Variants in ZFYVE9 observed in about 807,000 individuals in gnomAD.
The protein encoded by ZFYVE9 is zinc finger FYVE-type containing 9.
Under a neutral mutation model 126.7 loss-of-function variants are expected in ZFYVE9, and 43 were observed. The observed-to-expected ratio is 0.34, with a 90% CI of 0.27 to 0.44. The LOEUF (loss-of-function observed/expected upper bound fraction) is 0.44, where lower values mean the gene tolerates loss of function less well. ZFYVE9 is among the 20% of genes least tolerant of loss of function. The probability of loss-of-function intolerance (pLI) is 1.00; values close to 1 mark genes in which losing one functional copy is unlikely to be tolerated. For missense variants in ZFYVE9, 1,476 were observed against 1,697.0 expected (o/e 0.87, Z 2.29); for synonymous variants, 521 against 597.4 (o/e 0.87, Z 1.87).
chr1:52,252,793 A>C (rs1194200678), intron 4 of ZFYVE9: 2 of 397,262 alleles, frequency 5.0e-6, no homozygotes, highest in Non-Finnish European at 1.0e-5. Context: ...CCCCTACTGC[A>C]CCAGGAGCAT....
chr1:52,262,665 A>G (rs1393580800), intron 4 of ZFYVE9, among the ~76,000 whole-genome samples: 2 of 152,220 alleles, frequency 1.3e-5, no homozygotes, highest in East Asian at 1.9e-4. Context: ...TCAACTTTGT[A>G]AAGTATAGGA....
chr1:52,272,887 C>T (rs1046731867), intron 7 of ZFYVE9, among the ~76,000 whole-genome samples: 2 of 151,946 alleles, frequency 1.3e-5, no homozygotes, highest in African/African-American at 4.8e-5. Flanking sequence ...ATGTTGAACT[C>T]CTGTCCTTAA....
chr1:52,253,908 C>A, intron 4 of ZFYVE9: 1 of 1,051,672 alleles, frequency 9.5e-7, no homozygotes, highest in Non-Finnish European at 1.5e-6. Flanking sequence ...AGATTTCAGC[C>A]AAAGTAGGAA....
intron 14 of ZFYVE9, 152 bp from the exon 15 acceptor site, chr1:52,334,536 G>T: frequency 1.5e-6 from 1 of 676,564 alleles, no homozygotes; most frequent in Non-Finnish European, 2.5e-6. Flanking sequence ...CAGAATTGTT[G>T]GTTACATGTT....
rs368049077 is a variant in ZFYVE9 at position 52,237,995 on chromosome 1, A to G, written c.578A>G (p.Asp193Gly). 6.2e-5 allele frequency: 100 copies of G among 1,613,920 alleles called. No individual in the cohort carries two copies. Among genetic ancestry groups the G allele is most frequent in the Non-Finnish European group, 8.2e-5 (97 of 1,179,968 alleles). ...CSLDNENRQTDQFSFSINEST... is the reference protein window; with the variant it reads ...CSLDNENRQTGQFSFSINEST... ...CTGGATAATGAAAACAGACAAACTG[A>G]TCAATTTAGTTTTAGTATAAATGAG... is the stretch of plus-strand genomic sequence containing the variant. The change falls in exon 4 of 19, where the codon GAT becomes GGT. Residue 193 changes from aspartate to glycine, a missense_variant. By Grantham distance (94) the Asp-to-Gly change is moderately conservative. Transcript: ENST00000287727.
Position 52,233,276 on chromosome 1 carries a change from G to C in ZFYVE9, c.70G>C (p.Asp24His). 1 of 1,576,384 alleles carries C rather than the reference G, an allele frequency of 6.3e-7. No individual in the cohort carries two copies. The highest frequency in any genetic ancestry group is 8.6e-7 in the Non-Finnish European group (1 of 1,157,996). ...GTTAGATGAATTTGAACAAAACGAAGGTGAGAATTTATATTGGTGAATCTG... is the reference window on the plus strand; with the variant it reads ...GTTAGATGAATTTGAACAAAACGAACGTGAGAATTTATATTGGTGAATCTG... The part of the protein sequence containing the change: ...KVLDEFEQNE[D>H]ETVSSTLLDT... The change falls in exon 3 of 19, where the codon GAT becomes CAT. Residue 24 changes from aspartate to histidine, a missense_variant and splice_region_variant. By Grantham distance (81) the Asp-to-His change is moderately conservative. Around this residue, in one of 2 missense-constraint regions of ZFYVE9, gnomAD observed 807 missense variants for 794.6 expected, o/e 1.02. Coordinates refer to ENST00000287727, the MANE Select transcript of ZFYVE9 (RefSeq NM_004799.4).
chr1:52,220,887 C>G (rs1320689965), intron 2 of ZFYVE9, among the ~76,000 whole-genome samples: 1 of 152,196 alleles, frequency 6.6e-6, no homozygotes, highest in African/African-American at 2.4e-5. Flanking sequence ...GCTGTTTGAT[C>G]TGCAAGGTTA....
At chr1:52,188,636 A>T (rs1253412634) in intron 1 of ZFYVE9, among the ~76,000 whole-genome samples, 1 of 152,202 alleles carries the variant, frequency 6.6e-6, no homozygotes, top group African/African-American at 2.4e-5. Flanking sequence ...ATTTATAGGT[A>T]TGAGAGGACT....
intron 7 of ZFYVE9, among the ~76,000 whole-genome samples, chr1:52,271,743 A>G (rs1439769708): frequency 2.6e-5 from 4 of 152,368 alleles, no homozygotes; most frequent in African/African-American, 9.6e-5. Context: ...GCCATACCGG[A>G]AAATTTTAGA....
chr1:52,242,348 A>G (rs1557476758), intron 4 of ZFYVE9, among the ~76,000 whole-genome samples: 2 of 152,090 alleles, frequency 1.3e-5, no homozygotes, highest in East Asian at 1.9e-4. Context: ...CTGACTTTCT[A>G]ATTATGATTT....
At chr1:52,306,685 TC>T (rs1481846200) in intron 13 of ZFYVE9, among the ~76,000 whole-genome samples, 1 of 152,230 alleles carries the variant, frequency 6.6e-6, no homozygotes, top group African/African-American at 2.4e-5. Context: ...GGGCTGTGAC[TC>T]CCTCTTTGGG....
chr1:52,216,365 T>G lies in ZFYVE9; in HGVS notation c.-142-4T>G, dbSNP rs1645072439. 1 of 398,330 alleles carries G rather than the reference T, an allele frequency of 2.5e-6. No individual in the cohort carries two copies. The highest frequency in any genetic ancestry group is 4.4e-6 in the Non-Finnish European group (1 of 225,942). 24.7% of individuals were successfully genotyped at this position (398,330 alleles called of 1,614,324 possible). On this transcript the variant is annotated splice_region_variant and splice_polypyrimidine_tract_variant and intron_variant, in intron 1 of 18. Transcript: ENST00000287727. ...GTGTAATGAGCAATGTGTTTTTCCT[T>G]TAGGATCAAACAGAGCATACTGAAT...
At chr1:52,147,427 G>C (rs766225839) in intron 1 of ZFYVE9, among the ~76,000 whole-genome samples, 1 of 152,026 alleles carries the variant, frequency 6.6e-6, no homozygotes, top group Non-Finnish European at 1.5e-5. Context: ...CCAGCCCTAG[G>C]CAACCGCTAA....
intron 13 of ZFYVE9, among the ~76,000 whole-genome samples, chr1:52,321,221 G>T (rs1037292478): frequency 6.6e-6 from 1 of 152,204 alleles, no homozygotes; most frequent in African/African-American, 2.4e-5. Context: ...CTTCAGAGAA[G>T]TGTGAAATTA....
At chr1:52,281,438 C>A (rs375070717) in intron 9 of ZFYVE9, among the ~76,000 whole-genome samples, 1 of 152,126 alleles carries the variant, frequency 6.6e-6, no homozygotes, top group Non-Finnish European at 1.5e-5. Flanking sequence ...CGTCCTCAAT[C>A]ATTTTTCCAA....
intron 1 of ZFYVE9, among the ~76,000 whole-genome samples, chr1:52,177,589 T>A (rs1051436683): frequency 6.6e-5 from 10 of 152,206 alleles, no homozygotes; most frequent in African/African-American, 2.4e-4. Context: ...AAGGACTAGT[T>A]GGGAAGGCAA....
intron 1 of ZFYVE9, among the ~76,000 whole-genome samples, chr1:52,159,082 G>A (rs1232734938): frequency 2.0e-5 from 3 of 152,066 alleles, no homozygotes; most frequent in South Asian, 2.1e-4. Flanking sequence ...ATGAGCCACC[G>A]CGCCCGGCTA....
At chr1:52,270,307 A>G (rs1462544577) in intron 7 of ZFYVE9, among the ~76,000 whole-genome samples, 1 of 152,172 alleles carries the variant, frequency 6.6e-6, no homozygotes, top group Non-Finnish European at 1.5e-5. Flanking sequence ...TCTGTCGCCC[A>G]GGCTGGAGTG....
chr1:52,173,737 G>A (rs202201749), intron 1 of ZFYVE9, among the ~76,000 whole-genome samples: 1 of 152,064 alleles, frequency 6.6e-6, no homozygotes, highest in African/African-American at 2.4e-5. Context: ...TTGGGAGAGT[G>A]TATGTGTCGA....
Sources: allele counts gnomAD v4.1 joint callset (sites outside exome capture counted in the v4.1 genomes callset), GRCh38; gene constraint gnomAD v4.1.1; regional missense constraint gnomAD v4.1.1; transcripts MANE v1.5; gene names NCBI Gene and HGNC (gene_info 2026-07-23, HGNC 2026-07-21).